Variants in RYR3 observed in about 807,000 individuals in gnomAD.
The protein encoded by RYR3 is ryanodine receptor 3, also known as brain ryanodine receptor-calcium release channel.
Under a neutral mutation model 584.3 loss-of-function variants are expected in RYR3, and 207 were observed. That is an observed-to-expected ratio of 0.35 (90% CI 0.32 to 0.40). The LOEUF is 0.40. RYR3 is among the 10% of genes least tolerant of loss of function. The probability of loss-of-function intolerance (pLI) is 1.00; values close to 1 mark genes in which losing one functional copy is unlikely to be tolerated. For synonymous variants in RYR3, 2,416 were observed against 2,248.5 expected, an observed-to-expected ratio of 1.07 and a Z score of -2.11; for missense variants, 5,616 against 6,089.2, an observed-to-expected ratio of 0.92 and a Z score of 2.59.
chr15:33,360,927 C>A (rs1201505547), intron 1 of RYR3, among the ~76,000 whole-genome samples: 1 of 152,238 alleles, frequency 6.6e-6, no homozygotes, highest in African/African-American at 2.4e-5. Context: ...ACCCACTTCC[C>A]CATTGATTCC....
intron 1 of RYR3, among the ~76,000 whole-genome samples, chr15:33,471,845 C>T (rs1309541567): frequency 6.6e-6 from 1 of 152,120 alleles, no homozygotes; most frequent in East Asian, 1.9e-4. Flanking sequence ...CCAACACAAA[C>T]AGCACATCTC....
At chr15:33,539,166 A>G (rs2055589094) in intron 5 of RYR3, 184 bp from the exon 6 acceptor site, 3 of 472,034 alleles carry the variant, frequency 6.4e-6, no homozygotes, top group Non-Finnish European at 1.2e-5. Context: ...TGAAAATGAC[A>G]GACATAGTCA....
rs1402750700 is a variant in RYR3, at chr15:33,706,951, G to A, written c.6516G>A (p.Gln2172=). 1.2e-6 allele frequency: 2 copies of A among 1,611,358 alleles called. No homozygotes were observed. The highest frequency in any genetic ancestry group is 1.7e-6 in the Non-Finnish European group (2 of 1,178,770). ...CCTACTTGGCAGGCTGTGGCCTACA[G>A]AGCTGCCCCATGCTTCTGGCCAAAG... is the stretch of plus-strand genomic sequence containing the variant. ...VVTYLAGCGL[Q]SCPMLLAKGY... The change falls in exon 43 of 104, where the codon CAG becomes CAA. Residue 2172 remains glutamine, a synonymous_variant. Transcript: ENST00000634891.
chr15:33,653,845 C>A (rs1254830876), intron 32 of RYR3, among the ~76,000 whole-genome samples: 4 of 152,140 alleles, frequency 2.6e-5, no homozygotes, highest in Admixed American at 2.6e-4. Flanking sequence ...GGGAAACTGC[C>A]ACATATCACA....
rs747599695 is a variant in RYR3 at position 33,660,372 on chromosome 15, A to G, written c.4571A>G (p.Gln1524Arg). 5.0e-6 allele frequency: 8 copies of G among 1,588,242 alleles called. No individual in the cohort carries two copies. Among genetic ancestry groups the G allele is most frequent in the Non-Finnish European group, 6.9e-6 (8 of 1,167,822 alleles). The change falls in exon 34 of 104, where the codon CAG (glutamine) becomes CGG (arginine). Residue 1524 changes from glutamine to arginine, a missense_variant. Physicochemically the swap from Gln to Arg is conservative, Grantham distance 43 (BLOSUM62 1). Transcript: ENST00000634891. The part of the protein sequence containing the change: ...RVSERHGWVV[Q>R]CLEPLQMMAL... ...AGCGAGCGCCACGGCTGGGTGGTGC[A>G]GTGCCTGGAGCCCCTGCAGATGATG...
Position 33,748,268 on chromosome 15 carries a change from A to C in RYR3, c.8136+8A>C. The C allele has an allele frequency of 6.2e-7, 1 of 1,613,448 alleles. No homozygotes were observed. The highest frequency in any genetic ancestry group is 8.5e-7 in the Non-Finnish European group (1 of 1,179,710). ...GTGTCCCAGGCCAACCAGGTATGAC[A>C]CCACACCCAGAGGCCCACGCTGGGC... On this transcript the variant is annotated splice_region_variant and intron_variant, in intron 54 of 103. Coordinates refer to ENST00000634891, the MANE Select transcript of RYR3 (RefSeq NM_001036.6).
chr15:33,452,099 T>G (rs1290357443), intron 1 of RYR3, among the ~76,000 whole-genome samples: 1 of 152,208 alleles, frequency 6.6e-6, no homozygotes, highest in Non-Finnish European at 1.5e-5. Flanking sequence ...CCATGTGTGT[T>G]TGCCTCTTTC....
chr15:33,382,319 C>CTTTTTTTTTTTTTTTT (rs34767570), intron 1 of RYR3, among the ~76,000 whole-genome samples: 14 of 104,776 alleles, frequency 1.3e-4, no homozygotes, highest in African/African-American at 5.3e-4. Context: ...TTAAAAGTGG[C>CTTTTTTTTTTTTTTTT]TTTTTTTTTT....
In RYR3 at chr15:33,412,382, A is replaced by T. The variant is rs1250089905; in HGVS notation, c.52-61037A>T. Reference sequence around the variant, plus strand: ...GATGCCACTCTTCTCAGTGGGAGACAAACTGACAGCGGAAACCCTGGCTCT... The same window carrying T: ...GATGCCACTCTTCTCAGTGGGAGACTAACTGACAGCGGAAACCCTGGCTCT... On this transcript the variant is annotated intron_variant, in intron 1 of 103. Transcript: ENST00000634891. This position sits in a 1 kb window ranked among gnomAD's most constrained non-coding sequence, Gnocchi z 4.3. Among the ~76,000 whole-genome samples, 3 of 152,196 alleles carry T rather than the reference A, an allele frequency of 2.0e-5. No homozygotes were observed. The highest frequency in any genetic ancestry group is 4.4e-5 in the Non-Finnish European group (3 of 68,032).
chr15:33,642,041 C>G (rs2061857215), intron 27 of RYR3, among the ~76,000 whole-genome samples: 1 of 152,172 alleles, frequency 6.6e-6, no homozygotes, highest in Non-Finnish European at 1.5e-5. Context: ...AGTCCATTAA[C>G]TCCTCATGTT....
At chr15:33,744,558 G>T (rs1286817903) in intron 52 of RYR3, among the ~76,000 whole-genome samples, 3 of 152,198 alleles carry the variant, frequency 2.0e-5, no homozygotes, top group African/African-American at 7.2e-5. Flanking sequence ...ATGAGCACAG[G>T]ATTAGAACAC....
At chr15:33,849,456 T>G (rs1043836874) in intron 94 of RYR3, 2 of 152,154 alleles carry the variant, frequency 1.3e-5, no homozygotes, top group South Asian at 4.1e-4. Context: ...AATGAATGTA[T>G]GTGTCAAATG....
At chr15:33,676,162 T>A (rs1334359829) in intron 38 of RYR3, among the ~76,000 whole-genome samples, 1 of 150,654 alleles carries the variant, frequency 6.6e-6, no homozygotes, top group Non-Finnish European at 1.5e-5. Context: ...GCCAGAGATA[T>A]GCAACATGAA....
intron 3 of RYR3, among the ~76,000 whole-genome samples, chr15:33,520,026 TA>T (rs1340225821): frequency 1.3e-5 from 2 of 152,020 alleles, no homozygotes; most frequent in Non-Finnish European, 2.9e-5. Flanking sequence ...TAGAGAGATT[TA>T]AAAAAATAAA....
chr15:33,857,377 TTTC>T (rs1382193745), intron 98 of RYR3, among the ~76,000 whole-genome samples: 5 of 151,580 alleles, frequency 3.3e-5, no homozygotes, highest in Non-Finnish European at 1.5e-5. Context: ...TCCAACTCCT[TTTC>T]TTCTAAGGAT....
At chr15:33,437,755 T>A (rs574901945) in intron 1 of RYR3, among the ~76,000 whole-genome samples, 17 of 152,308 alleles carry the variant, frequency 1.1e-4, no homozygotes, top group Admixed American at 1.0e-3. Context: ...ATTTTTGAGA[T>A]AAGGTCTTTC....
At chr15:33,343,294 C>G (rs74005182) in intron 1 of RYR3, among the ~76,000 whole-genome samples, 2,249 of 152,238 alleles carry the variant, frequency 0.015, 60 homozygotes, top group African/African-American at 0.052. Flanking sequence ...CTAAGCGGCC[C>G]TTCATTGTCA....
chr15:33,853,556 T>C lies in RYR3; in HGVS notation c.13673T>C (p.Val4558Ala), dbSNP rs1440984687. 1 of 1,613,624 alleles carries C rather than the reference T, an allele frequency of 6.2e-7. No individual in the cohort carries two copies. Among genetic ancestry groups the C allele is most frequent in the South Asian group, 1.1e-5 (1 of 91,032 alleles). Residue 4558 changes from valine to alanine, a missense_variant and splice_region_variant, in exon 96 of 104, where the codon GTG (valine) becomes GCG (alanine). Physicochemically the swap from Val to Ala is moderately conservative, Grantham distance 64 (BLOSUM62 0). Around this residue, in one of 9 missense-constraint regions of RYR3, gnomAD observed 918 missense variants for 887.4 expected, o/e 1.03. Transcript: ENST00000634891. ...NYWDKFVKRK[V>A]INKYGDLYGA... ...TCACCCTGTCATCCTTTGCTTCAGG[T>C]GATCAACAAGTATGGAGATCTCTAC...
In RYR3 at chr15:33,696,441, C is replaced by T; in HGVS notation, c.6084C>T (p.Leu2028=). ...LAALGQIRSL[L]SVRMGKEEEL... Reference sequence around the variant, plus strand: ...CCCTGGGCCAAATCCGCTCCCTCCTCAGTGTCAGGATGGGCAAGGAAGAGG... The same window carrying T: ...CCCTGGGCCAAATCCGCTCCCTCCTTAGTGTCAGGATGGGCAAGGAAGAGG... Residue 2028 remains leucine, a synonymous_variant, in exon 39 of 104, where the codon CTC becomes CTT. Transcript: ENST00000634891. The T allele has an allele frequency of 6.2e-7, 1 of 1,613,982 alleles. No individual in the cohort carries two copies. Among genetic ancestry groups the T allele is most frequent in the South Asian group, 1.1e-5 (1 of 91,082 alleles).
Sources: allele counts gnomAD v4.1 joint callset (sites outside exome capture counted in the v4.1 genomes callset), GRCh38; gene constraint gnomAD v4.1.1; regional missense constraint gnomAD v4.1.1; non-coding constraint Gnocchi (gnomAD v3.1); transcripts MANE v1.5; gene names NCBI Gene and HGNC (gene_info 2026-07-23, HGNC 2026-07-21).